The following ASH2L variants were observed in gnomAD, a reference collection of about 807,000 sequenced individuals.
ASH2L encodes the protein set1/Ash2 histone methyltransferase complex subunit ASH2.
ASH2L carries 30 observed loss-of-function variants against 81.1 expected under a neutral mutation model. The ratio of observed to expected loss-of-function variants is 0.37; its 90% confidence interval spans 0.28 to 0.50. ASH2L has a LOEUF of 0.50. Ranked by LOEUF, ASH2L falls within the 20% of genes least tolerant of loss-of-function variation. The pLI, the probability that ASH2L is intolerant of heterozygous loss-of-function variation, is 0.95. For missense variants in ASH2L, 559 were observed against 792.1 expected, an observed-to-expected ratio of 0.71 and a Z score of 3.53; for synonymous variants, 273 against 279.9, an observed-to-expected ratio of 0.98 and a Z score of 0.24.
chr8:38,128,417 C>T lies in ASH2L; in HGVS notation c.1292C>T (p.Pro431Leu), dbSNP rs764525418. 1 of 1,614,096 alleles carries T rather than the reference C, an allele frequency of 6.2e-7. No homozygotes were observed. Among genetic ancestry groups the T allele is most frequent in the South Asian group, 1.1e-5 (1 of 91,076 alleles). ...WYFEITVDEM[P>L]PDTAARLGWS... ...TTTGAAATCACTGTGGATGAGATGC[C>T]ACCAGATACCGCTGCCAGACTGGGT... Residue 431 changes from proline to leucine, a missense_variant, in exon 11 of 16, where the codon CCA becomes CTA. Coordinates refer to ENST00000343823, the MANE Select transcript of ASH2L (RefSeq NM_004674.5).
rs746483703 is a variant in ASH2L at position 38,133,906 on chromosome 8, G to C, written c.1620+360G>C. On this transcript the variant is annotated intron_variant, in intron 13 of 15. Coordinates refer to ENST00000343823, the MANE Select transcript of ASH2L (RefSeq NM_004674.5). Reference sequence around the variant, plus strand: ...AAGGGGGAAAGGTGGGGAAAAGATAGAGAAATCAGATTGTTGCTGTGTCTG... The same window carrying C: ...AAGGGGGAAAGGTGGGGAAAAGATACAGAAATCAGATTGTTGCTGTGTCTG... Among the ~76,000 whole-genome samples, 109 of 152,330 alleles carry C rather than the reference G, an allele frequency of 7.2e-4. 1 individual carries two copies. Among genetic ancestry groups the C allele is most frequent in the Non-Finnish European group, 1.2e-3 (83 of 68,032 alleles).
chr8:38,111,070 G>A (rs917829845), intron 5 of ASH2L, among the ~76,000 whole-genome samples: 7 of 152,168 alleles, frequency 4.6e-5, no homozygotes, highest in African/African-American at 1.4e-4. Context: ...GAGTAGCTGG[G>A]ATTACAGGCA....
At chr8:38,108,788 C>CA (rs1036070086) in intron 3 of ASH2L, among the ~76,000 whole-genome samples, 1 of 146,380 alleles carries the variant, frequency 6.8e-6, no homozygotes, top group Admixed American at 6.8e-5. Flanking sequence ...GACTCCGTCT[C>CA]AAAAAAAAAG....
intron 12 of ASH2L, among the ~76,000 whole-genome samples, chr8:38,132,957 G>A (rs114183444): frequency 1.9e-3 from 285 of 152,058 alleles, no homozygotes; most frequent in African/African-American, 6.6e-3. Flanking sequence ...AATTAGCCGG[G>A]TGTGGTGTAA....
chr8:38,105,716 A>C lies in ASH2L; in HGVS notation c.166A>C (p.Ser56Arg), dbSNP rs1438256423. ...GISAAPTVEP[S>R]SGEAEGGEAN... The stretch of plus-strand genomic sequence containing the variant: ...CTCTGCTGCTCCGACAGTTGAGCCC[A>C]GTTCCGGGGAGGCTGAAGGCGGGTA... Residue 56 changes from serine (S) to arginine (R), a missense_variant, in exon 1 of 16, where the codon AGT becomes CGT. Physicochemically the swap from Ser to Arg is moderately radical, Grantham distance 110. Transcript: ENST00000343823. 4.6e-6 allele frequency: 7 copies of C among 1,534,364 alleles called. No homozygotes were observed. In the East Asian group the frequency reaches 1.6e-4, roughly 36 times the overall value.
At chr8:38,135,280 C>T (rs1295313602) in intron 13 of ASH2L, among the ~76,000 whole-genome samples, 1 of 152,008 alleles carries the variant, frequency 6.6e-6, no homozygotes, top group African/African-American at 2.4e-5. Flanking sequence ...AGATCTGTCT[C>T]TATAAAAAAA....
chr8:38,125,056 C>T (rs1801778739), intron 10 of ASH2L, among the ~76,000 whole-genome samples: 2 of 152,148 alleles, frequency 1.3e-5, no homozygotes, highest in African/African-American at 4.8e-5. Context: ...CACATCCCCA[C>T]ATTCCGCATT....
chr8:38,125,329 C>T lies in ASH2L; in HGVS notation c.1166-2962C>T, dbSNP rs373067104. On this transcript the variant is annotated intron_variant, in intron 10 of 15. Transcript: ENST00000343823. ...AAAACTATGCATCTCTTTAAAAATG[C>T]GGCTATTGGGGCCAGGCACAGTGGC... is the stretch of plus-strand genomic sequence containing the variant. 4.1e-3 allele frequency among the ~76,000 whole-genome samples: 621 copies of T among 152,174 alleles called. 5 individuals carry two copies. The highest frequency in any genetic ancestry group is 0.014 in the African/African-American group (589 of 41,532).
intron 3 of ASH2L, among the ~76,000 whole-genome samples, chr8:38,109,484 C>T (rs948713322): frequency 6.6e-6 from 1 of 152,198 alleles, no homozygotes; most frequent in African/African-American, 2.4e-5. Flanking sequence ...GGTCTTCTGT[C>T]CTTCTGTTAC....
chr8:38,109,420 A>G (rs560643882), intron 3 of ASH2L, among the ~76,000 whole-genome samples: 2 of 152,350 alleles, frequency 1.3e-5, no homozygotes, highest in South Asian at 4.1e-4. Flanking sequence ...TCAGAGTCCA[A>G]GATAAACCTT....
At chr8:38,123,596 G>A (rs139118149) in intron 10 of ASH2L, among the ~76,000 whole-genome samples, 16 of 152,254 alleles carry the variant, frequency 1.1e-4, no homozygotes, top group Non-Finnish European at 1.6e-4. Context: ...TCTCCCACAT[G>A]TTGATTGTTT....
intron 12 of ASH2L, 36 bp from the exon 13 acceptor site, chr8:38,133,418 C>T: frequency 6.8e-7 from 1 of 1,480,620 alleles, no homozygotes; most frequent in Non-Finnish European, 9.3e-7. Context: ...GGAGCTGATG[C>T]TTTATTGTGC....
At chr8:38,129,804 C>T (rs992494944) in intron 12 of ASH2L, among the ~76,000 whole-genome samples, 5 of 152,144 alleles carry the variant, frequency 3.3e-5, no homozygotes, top group Non-Finnish European at 7.3e-5. Flanking sequence ...TCTGTGCACC[C>T]TTTTCAGTGC....
intron 1 of ASH2L, chr8:38,105,982 C>T (rs987976339): frequency 2.6e-6 from 4 of 1,529,554 alleles, no homozygotes; most frequent in Non-Finnish European, 2.6e-6. Flanking sequence ...TGCACCCTGG[C>T]AGGAAGCTGG....
intron 10 of ASH2L, among the ~76,000 whole-genome samples, 184 bp downstream of exon 10, chr8:38,121,333 T>TTATTTTTATA (rs1230317862): frequency 1.7e-5 from 1 of 59,668 alleles, no homozygotes; most frequent in African/African-American, 6.3e-5. Flanking sequence ...GCCGTTTTAT[T>TTATTTTTATA]TATATATATA....
intron 3 of ASH2L, among the ~76,000 whole-genome samples, chr8:38,108,837 T>C (rs1250631915): frequency 6.6e-6 from 1 of 152,000 alleles, no homozygotes; most frequent in Non-Finnish European, 1.5e-5. Flanking sequence ...CCCAGCACTT[T>C]AGGAGGCCGA....
chr8:38,121,326 G>A (rs543929915), intron 10 of ASH2L, among the ~76,000 whole-genome samples, 177 bp downstream of exon 10: 6 of 79,438 alleles, frequency 7.6e-5, no homozygotes, highest in East Asian at 3.8e-4. Context: ...AGCTCCAGCC[G>A]TTTTATTTAT....
Position 38,105,931 on chromosome 8 carries a change from G to C in ASH2L, c.188+193G>C, listed in dbSNP as rs1249625462. 3 of 1,490,474 alleles carry C rather than the reference G, an allele frequency of 2.0e-6. No homozygotes were observed. In the East Asian group the frequency reaches 7.4e-5, roughly 37 times the overall value. The allele number at this position is 1,490,474 out of a possible 1,614,324, so 92.3% of individuals were successfully genotyped here. A position where few individuals can be genotyped will look rare whatever the true frequency, so the allele number is the denominator to read the frequency against. On this transcript the variant is annotated intron_variant, in intron 1 of 15. Transcript: ENST00000343823. ...ATAACGCCCCTTCCGCACCTTTCAC[G>C]GGCGGTGGGAGCTGAGGCTCCTGTC...
intron 12 of ASH2L, 94 bp from the exon 13 acceptor site, chr8:38,133,360 C>G: frequency 1.2e-6 from 1 of 802,538 alleles, no homozygotes; most frequent in East Asian, 2.5e-5. Flanking sequence ...TTGTAGAGCT[C>G]AAGGGGTTAA....
Sources: gnomAD v4.1 joint callset for allele counts (sites outside exome capture counted in the v4.1 genomes callset) on GRCh38, gnomAD v4.1.1 for gene constraint, MANE v1.5 for transcripts, NCBI Gene and HGNC (gene_info 2026-07-23, HGNC 2026-07-21) for gene names.